Variants in HS6ST3 observed in about 807,000 individuals in gnomAD.
The protein encoded by HS6ST3 is heparan-sulfate 6-O-sulfotransferase 3.
A neutral mutation model predicts 36.7 loss-of-function variants in HS6ST3; 12 were observed. The ratio of observed to expected loss-of-function variants is 0.33; its 90% CI spans 0.21 to 0.53. The LOEUF (loss-of-function observed/expected upper bound fraction) is 0.53. Ranked by LOEUF, HS6ST3 falls within the 20% of genes least tolerant of loss-of-function variation. HS6ST3 has a pLI of 0.95. For synonymous variants in HS6ST3, 240 were observed against 257.5 expected (o/e 0.93, Z 0.65); for missense variants, 584 against 640.9 (o/e 0.91, Z 0.96).
intron 1 of HS6ST3, among the ~76,000 whole-genome samples, chr13:96,551,533 A>T (rs2056219452): frequency 6.6e-6 from 1 of 152,226 alleles, no homozygotes. Context: ...CTTGGGGGGT[A>T]GGTGGATAAA....
chr13:96,229,852 T>G (rs1479377045), intron 1 of HS6ST3, among the ~76,000 whole-genome samples: 1 of 152,056 alleles, frequency 6.6e-6, no homozygotes, highest in East Asian at 1.9e-4. Context: ...CAAGGGAGGA[T>G]TCAGGCAGAA....
intron 1 of HS6ST3, among the ~76,000 whole-genome samples, chr13:96,373,139 A>G (rs543429326): frequency 1.3e-5 from 2 of 152,128 alleles, no homozygotes; most frequent in Admixed American, 6.5e-5. Flanking sequence ...TCCTTCGTAC[A>G]TCTCTTATAA....
At chr13:96,481,272 A>G (rs1247437575) in intron 1 of HS6ST3, among the ~76,000 whole-genome samples, 6 of 152,278 alleles carry the variant, frequency 3.9e-5, no homozygotes, top group African/African-American at 1.2e-4. Flanking sequence ...ATAGAAAGTG[A>G]TAATTTTTTA....
At chr13:96,776,074 C>A (rs1469407457) in intron 1 of HS6ST3, among the ~76,000 whole-genome samples, 1 of 152,072 alleles carries the variant, frequency 6.6e-6, no homozygotes, top group Non-Finnish European at 1.5e-5. Context: ...ACTGAACAAC[C>A]TGCTCCTGAA....
chr13:96,665,195 CA>C lies in HS6ST3; in HGVS notation c.708-167293del, dbSNP rs1343594285. On this transcript the variant is annotated intron_variant, in intron 1 of 1. Coordinates refer to ENST00000376705, the MANE Select transcript of HS6ST3 (RefSeq NM_153456.4). ...AAGATAAAATAAATAAATAAATAAA[CA>C]AGGCCAAAAAGAAGCATTTGCCAAC... 6.6e-5 allele frequency among the ~76,000 whole-genome samples: 10 copies of C among 151,772 alleles called. No homozygotes were observed. In the South Asian group the frequency reaches 1.2e-3, roughly 19 times the overall value.
chr13:96,745,103 C>G (rs1298460492), intron 1 of HS6ST3, among the ~76,000 whole-genome samples: 1 of 152,070 alleles, frequency 6.6e-6, no homozygotes, highest in Admixed American at 6.6e-5. Context: ...TACATGGCCT[C>G]TTAAGTGCAA....
chr13:96,422,037 C>T (rs1467406579), intron 1 of HS6ST3, among the ~76,000 whole-genome samples: 1 of 152,174 alleles, frequency 6.6e-6, no homozygotes. Context: ...ACGTTTCATG[C>T]TTCCCTGAAT....
At chr13:96,593,419 T>C (rs2056390733) in intron 1 of HS6ST3, among the ~76,000 whole-genome samples, 1 of 151,238 alleles carries the variant, frequency 6.6e-6, no homozygotes, top group African/African-American at 2.4e-5. Flanking sequence ...TGGTCTTGAA[T>C]TACTGACCTC....
At position 96,091,329 on chromosome 13, in the gene HS6ST3, C is replaced by CG. The variant is rs753365436; in HGVS notation, c.473dup (p.Thr159HisfsTer18). On this transcript the variant is annotated frameshift_variant, in exon 1 of 2. Coordinates refer to ENST00000376705, the MANE Select transcript of HS6ST3 (RefSeq NM_153456.4). LOFTEE classifies it high-confidence loss of function. ...ATCGTGTTCCTCCACATCCAGAAGACGGGGGGCACCACTTTCGGCCGGCAC... is the reference window on the plus strand; with the variant it reads ...ATCGTGTTCCTCCACATCCAGAAGACGGGGGGGCACCACTTTCGGCCGGCAC... The CG allele has an allele frequency of 8.1e-6, 13 of 1,614,038 alleles. No homozygotes were observed. The highest frequency in any genetic ancestry group is 8.5e-6 in the Non-Finnish European group (10 of 1,180,010).
intron 1 of HS6ST3, among the ~76,000 whole-genome samples, chr13:96,217,278 A>C (rs1380958167): frequency 1.3e-5 from 2 of 152,132 alleles, no homozygotes; most frequent in East Asian, 1.9e-4. Context: ...TTCTTCCCCA[A>C]CTTGAAGAGA....
intron 1 of HS6ST3, among the ~76,000 whole-genome samples, chr13:96,173,052 C>T (rs1342825708): frequency 6.6e-6 from 1 of 151,932 alleles, no homozygotes; most frequent in Non-Finnish European, 1.5e-5. Context: ...ACCCTATTCT[C>T]AAGAAATGTA....
At chr13:96,449,758 C>G (rs1410286933) in intron 1 of HS6ST3, among the ~76,000 whole-genome samples, 1 of 152,140 alleles carries the variant, frequency 6.6e-6, no homozygotes, top group Admixed American at 6.5e-5. Flanking sequence ...ATAGAGAATG[C>G]AAGTAGTAGG....
intron 1 of HS6ST3, among the ~76,000 whole-genome samples, chr13:96,172,275 A>G (rs982431452): frequency 6.6e-6 from 1 of 152,222 alleles, no homozygotes; most frequent in African/African-American, 2.4e-5. Flanking sequence ...CCAGCTTTGC[A>G]AGGCAATGAC....
At chr13:96,282,127 C>G (rs2054778902) in intron 1 of HS6ST3, among the ~76,000 whole-genome samples, 2 of 152,278 alleles carry the variant, frequency 1.3e-5, no homozygotes, top group South Asian at 2.1e-4. Flanking sequence ...CTTCTTTGGT[C>G]TGCAAAATAA....
intron 1 of HS6ST3, among the ~76,000 whole-genome samples, chr13:96,199,853 A>T (rs1373757682): frequency 6.8e-6 from 1 of 147,044 alleles, no homozygotes; most frequent in Non-Finnish European, 1.5e-5. Context: ...TCTGGCTCAT[A>T]TTTTTTTTTT....
Position 96,779,848 on chromosome 13 carries a change from A to T in HS6ST3, c.708-52642A>T, listed in dbSNP as rs537971988. ...TTTGCATCTGTGTGACTACCTCACA[A>T]AGATCACATTTCAAGTTGAGAGACT... On this transcript the variant is annotated intron_variant, in intron 1 of 1. Transcript: ENST00000376705. Among the ~76,000 whole-genome samples the T allele has an allele frequency of 3.3e-5, 5 of 152,292 alleles. No individual in the cohort carries two copies. In the South Asian group the frequency reaches 6.2e-4, roughly 19 times the overall value.
intron 1 of HS6ST3, among the ~76,000 whole-genome samples, chr13:96,506,342 A>G (rs2056026460): frequency 6.6e-6 from 1 of 152,154 alleles, no homozygotes; most frequent in Admixed American, 6.6e-5. Context: ...AACATGAAAC[A>G]GGATGCTGGA....
At chr13:96,460,178 T>G (rs916044127) in intron 1 of HS6ST3, among the ~76,000 whole-genome samples, 4 of 152,132 alleles carry the variant, frequency 2.6e-5, no homozygotes, top group African/African-American at 9.7e-5. Context: ...ACCATTTTTC[T>G]ATGTGTTTCT....
chr13:96,464,332 G>A (rs971242443), intron 1 of HS6ST3, among the ~76,000 whole-genome samples: 1 of 151,742 alleles, frequency 6.6e-6, no homozygotes, highest in Non-Finnish European at 1.5e-5. Flanking sequence ...AGACAAATTT[G>A]AGGCTGATCT....
Sources: allele counts gnomAD v4.1 joint callset (sites outside exome capture counted in the v4.1 genomes callset), GRCh38; gene constraint gnomAD v4.1.1; transcripts MANE v1.5; gene names NCBI Gene and HGNC (gene_info 2026-07-23, HGNC 2026-07-21).